Variants in ROR1 observed in about 807,000 individuals in gnomAD.
The protein encoded by ROR1 is ROR family WNT receptor 1.
Under a neutral mutation model 78.8 loss-of-function variants are expected in ROR1, and 19 were observed. The observed-to-expected ratio is 0.24, with a 90% CI of 0.17 to 0.35. ROR1 has a LOEUF of 0.35. Ranked by LOEUF, ROR1 falls within the 10% of genes least tolerant of loss-of-function variation. The probability of loss-of-function intolerance (pLI) is 1.00; values close to 1 mark genes in which losing one functional copy is unlikely to be tolerated. For synonymous variants in ROR1, 386 were observed against 433.6 expected (o/e 0.89, Z 1.36); for missense variants, 917 against 1,177.8 (o/e 0.78, Z 3.24).
chr1:64,139,053 G>A (rs1649218047), intron 5 of ROR1, among the ~76,000 whole-genome samples: 1 of 151,490 alleles, frequency 6.6e-6, no homozygotes, highest in African/African-American at 2.4e-5. Context: ...TGTAGTCCCA[G>A]CTATGTGGGA....
At chr1:64,173,649 T>C (rs1305699952) in intron 8 of ROR1, among the ~76,000 whole-genome samples, 1 of 152,166 alleles carries the variant, frequency 6.6e-6, no homozygotes, top group Non-Finnish European at 1.5e-5. Context: ...ATCTGTAAAA[T>C]AGCAAAATTA....
chr1:63,889,810 G>T (rs1645382008), intron 1 of ROR1, among the ~76,000 whole-genome samples: 1 of 152,126 alleles, frequency 6.6e-6, no homozygotes, highest in Admixed American at 6.6e-5. Context: ...GCAATTGTGG[G>T]TGAATGAAAC....
At chr1:64,131,307 A>T (rs777174346) in intron 4 of ROR1, among the ~76,000 whole-genome samples, 9 of 152,126 alleles carry the variant, frequency 5.9e-5, no homozygotes, top group African/African-American at 1.2e-4. Context: ...CTCTGTCCCT[A>T]TGAGGCTGCC....
intron 1 of ROR1, among the ~76,000 whole-genome samples, chr1:63,841,500 A>G (rs530299647): frequency 6.6e-6 from 1 of 152,358 alleles, no homozygotes; most frequent in African/African-American, 2.4e-5. Context: ...ACATGATATT[A>G]TGAGTCTTAG....
chr1:64,040,668 T>A (rs987554841), intron 2 of ROR1, among the ~76,000 whole-genome samples: 1 of 152,168 alleles, frequency 6.6e-6, no homozygotes, highest in African/African-American at 2.4e-5. Flanking sequence ...CAGACAGCTG[T>A]CTTCTCATTG....
chr1:63,875,178 G>A (rs973730959), intron 1 of ROR1, among the ~76,000 whole-genome samples: 1 of 152,092 alleles, frequency 6.6e-6, no homozygotes, highest in Non-Finnish European at 1.5e-5. Context: ...GTAAAGTCAG[G>A]GGTAATCATA....
intron 1 of ROR1, among the ~76,000 whole-genome samples, chr1:63,778,131 CT>C (rs1299620559): frequency 6.6e-6 from 1 of 152,110 alleles, no homozygotes; most frequent in Non-Finnish European, 1.5e-5. Flanking sequence ...GTCAGTTTTC[CT>C]GAGCCTTTCA....
chr1:64,129,112 C>T (rs1031806149), intron 4 of ROR1, among the ~76,000 whole-genome samples: 10 of 152,152 alleles, frequency 6.6e-5, no homozygotes, highest in East Asian at 3.9e-4. Context: ...TTGCTTTTTA[C>T]GGAGGCCAGT....
intron 1 of ROR1, chr1:63,788,954 G>T: frequency 1.4e-6 from 1 of 705,792 alleles, no homozygotes. Context: ...GATACATGAG[G>T]TGATCAATCT....
chr1:64,001,926 A>G (rs532029363), intron 1 of ROR1, among the ~76,000 whole-genome samples: 2 of 152,090 alleles, frequency 1.3e-5, no homozygotes, highest in South Asian at 2.1e-4. Context: ...GCTATGCATC[A>G]TATATTTCCT....
intron 4 of ROR1, among the ~76,000 whole-genome samples, chr1:64,056,606 G>A (rs1646876815): frequency 1.3e-5 from 2 of 151,350 alleles, no homozygotes; most frequent in Non-Finnish European, 2.9e-5. Flanking sequence ...AACCCAGGAG[G>A]CAGAGGTTGC....
chr1:64,167,686 A>C, intron 8 of ROR1, among the ~76,000 whole-genome samples: 1 of 152,206 alleles, frequency 6.6e-6, no homozygotes, highest in East Asian at 1.9e-4. Context: ...TCAACAGCCA[A>C]GTCTAGGTAC....
chr1:63,917,396 C>T (rs1480376436), intron 1 of ROR1, among the ~76,000 whole-genome samples: 1 of 152,082 alleles, frequency 6.6e-6, no homozygotes, highest in African/African-American at 2.4e-5. Context: ...CAAAGAAAAG[C>T]CACTTTCCAT....
chr1:64,172,906 G>C (rs1650279077), intron 8 of ROR1, among the ~76,000 whole-genome samples: 1 of 152,102 alleles, frequency 6.6e-6, no homozygotes, highest in Non-Finnish European at 1.5e-5. Flanking sequence ...TTAGCCTAAA[G>C]GGTTTGTATA....
At chr1:63,911,584 C>T (rs539163809) in intron 1 of ROR1, among the ~76,000 whole-genome samples, 1 of 152,018 alleles carries the variant, frequency 6.6e-6, no homozygotes, top group Non-Finnish European at 1.5e-5. Context: ...CCATCCCCCC[C>T]ACCCCCAACC....
chr1:63,804,520 T>G (rs1422978912), intron 1 of ROR1, among the ~76,000 whole-genome samples: 1 of 152,206 alleles, frequency 6.6e-6, no homozygotes, highest in Non-Finnish European at 1.5e-5. Context: ...AAAGCCTCCT[T>G]CCTAGAACTC....
chr1:64,050,528 G>A (rs1314841569), intron 3 of ROR1, among the ~76,000 whole-genome samples, 158 bp from the exon 4 acceptor site: 1 of 149,586 alleles, frequency 6.7e-6, no homozygotes, highest in Non-Finnish European at 1.5e-5. Flanking sequence ...TTTTCATAGA[G>A]ATGGTTGGGG....
At chr1:64,138,318 A>T (rs188437880) in intron 5 of ROR1, among the ~76,000 whole-genome samples, 1 of 152,358 alleles carries the variant, frequency 6.6e-6, no homozygotes, top group Admixed American at 6.5e-5. Context: ...TGAATTTCAG[A>T]TAAACAACGA....
intron 2 of ROR1, among the ~76,000 whole-genome samples, chr1:64,047,157 AAT>A (rs1461197958): frequency 6.6e-6 from 1 of 152,198 alleles, no homozygotes; most frequent in African/African-American, 2.4e-5. Context: ...AAATCATAGT[AAT>A]TAATGTGCCT....
Sources: allele counts gnomAD v4.1 joint callset (sites outside exome capture counted in the v4.1 genomes callset), GRCh38; gene constraint gnomAD v4.1.1; transcripts MANE v1.5; gene names NCBI Gene and HGNC (gene_info 2026-07-23, HGNC 2026-07-21).